The following GAPVD1 variants were observed in gnomAD, a reference collection of about 807,000 sequenced individuals.
GAPVD1 encodes the protein GTPase-activating protein and VPS9 domain-containing protein 1.
A neutral mutation model predicts 155.5 loss-of-function variants in GAPVD1; 35 were observed. The observed-to-expected ratio is 0.23, with a 90% CI of 0.17 to 0.30. GAPVD1 has a LOEUF of 0.30. Ranked by LOEUF, GAPVD1 falls within the 10% of genes least tolerant of loss-of-function variation. GAPVD1 has a pLI of 1.00. For missense variants in GAPVD1, 1,429 were observed against 1,775.7 expected, an observed-to-expected ratio of 0.80 and a Z score of 3.51; for synonymous variants, 636 against 619.7, an observed-to-expected ratio of 1.03 and a Z score of -0.39.
chr9:125,265,932 A>G (rs1458577859), intron 1 of GAPVD1, among the ~76,000 whole-genome samples: 1 of 150,156 alleles, frequency 6.7e-6, no homozygotes, highest in Non-Finnish European at 1.5e-5. Flanking sequence ...TATAAAAAAA[A>G]AAAAAAAAAG....
intron 24 of GAPVD1, among the ~76,000 whole-genome samples, chr9:125,355,340 G>A (rs1455967857): frequency 2.0e-5 from 3 of 152,152 alleles, no homozygotes; most frequent in Non-Finnish European, 2.9e-5. Flanking sequence ...TCCTGACCTC[G>A]TGATCCGCCC....
intron 21 of GAPVD1, among the ~76,000 whole-genome samples, chr9:125,349,892 C>CT (rs911788038): frequency 2.0e-5 from 3 of 151,612 alleles, no homozygotes; most frequent in Non-Finnish European, 4.4e-5. Context: ...AGGTAGTGAG[C>CT]TTATTTTGTG....
chr9:125,333,540 G>C (rs1846409236), intron 15 of GAPVD1, among the ~76,000 whole-genome samples: 1 of 145,404 alleles, frequency 6.9e-6, no homozygotes, highest in African/African-American at 2.6e-5. Context: ...CCAGGCTGGA[G>C]TGCAATGGCG....
chr9:125,353,853 C>T (rs546520084), intron 23 of GAPVD1, among the ~76,000 whole-genome samples: 1 of 152,260 alleles, frequency 6.6e-6, no homozygotes, highest in South Asian at 2.1e-4. Flanking sequence ...GGGAATACAG[C>T]CAAATCATAT....
intron 9 of GAPVD1, among the ~76,000 whole-genome samples, chr9:125,314,888 C>A (rs554407741): frequency 6.6e-6 from 1 of 150,646 alleles, no homozygotes; most frequent in South Asian, 2.1e-4. Context: ...CCCGGGTTCA[C>A]GCCATTCTCC....
At chr9:125,274,979 A>G (rs771880589) in intron 2 of GAPVD1, among the ~76,000 whole-genome samples, 10 of 152,108 alleles carry the variant, frequency 6.6e-5, no homozygotes, top group Admixed American at 1.3e-4. Flanking sequence ...GATCTTAGGC[A>G]TATTGTTCTG....
intron 2 of GAPVD1, among the ~76,000 whole-genome samples, chr9:125,293,790 A>C (rs1315061309): frequency 1.6e-5 from 2 of 126,834 alleles, no homozygotes; most frequent in African/African-American, 5.9e-5. Context: ...ATAAAATAAA[A>C]TATATAAAAA....
intron 1 of GAPVD1, among the ~76,000 whole-genome samples, 197 bp from the exon 2 acceptor site, chr9:125,268,739 G>T (rs1834401619): frequency 6.6e-6 from 1 of 151,946 alleles, no homozygotes; most frequent in South Asian, 2.1e-4. Flanking sequence ...TTGTAGAGGT[G>T]CCCACACTGG....
chr9:125,285,770 C>T lies in GAPVD1; in HGVS notation c.-149-9688C>T, dbSNP rs529511436. Among the ~76,000 whole-genome samples, 5 of 151,238 alleles carry T rather than the reference C, an allele frequency of 3.3e-5. No homozygotes were observed. The East Asian group carries it at 7.8e-4, about 24-fold the overall frequency. On this transcript the variant is annotated intron_variant, in intron 2 of 27. Transcript: ENST00000297933. ...GCCACTGCACCTGGCCCATCTGTTT[C>T]GTTTTTATAGAAAATATGGTAATGC...
chr9:125,318,839 A>C (rs1420077189), intron 9 of GAPVD1, among the ~76,000 whole-genome samples: 1 of 151,972 alleles, frequency 6.6e-6, no homozygotes. Context: ...CCTTGGGTCC[A>C]GGACTTCAAG....
chr9:125,314,870 G>C (rs1041905842), intron 9 of GAPVD1, among the ~76,000 whole-genome samples: 4 of 149,652 alleles, frequency 2.7e-5, no homozygotes, highest in Non-Finnish European at 5.9e-5. Flanking sequence ...TCACTGCGAG[G>C]TCCACCTCCC....
intron 20 of GAPVD1, among the ~76,000 whole-genome samples, chr9:125,347,600 G>A (rs1589083956): frequency 6.6e-6 from 1 of 151,966 alleles, no homozygotes; most frequent in East Asian, 1.9e-4. Context: ...GGTGGCAGAT[G>A]CCTGTAATCC....
At chr9:125,354,517 T>A in intron 23 of GAPVD1, 137 bp from the exon 24 acceptor site, 1 of 584,962 alleles carries the variant, frequency 1.7e-6, no homozygotes, top group Non-Finnish European at 3.0e-6. Context: ...TATGTGCTAC[T>A]GAAGAGAGCA....
chr9:125,262,405 C>T (rs1194659661), intron 1 of GAPVD1, among the ~76,000 whole-genome samples: 1 of 152,174 alleles, frequency 6.6e-6, no homozygotes, highest in East Asian at 1.9e-4. Context: ...GGGGGCAGCC[C>T]ACCTAACACA....
Position 125,337,310 on chromosome 9 carries a change from G to A in GAPVD1, c.2596G>A (p.Gly866Arg), listed in dbSNP as rs1238323481. 6.2e-7 allele frequency: 1 copy of A among 1,614,196 alleles called. No individual in the cohort carries two copies. The highest frequency in any genetic ancestry group is 1.7e-5 in the Admixed American group (1 of 60,022). Residue 866 changes from glycine to arginine, a missense_variant, in exon 17 of 28, where the codon GGA becomes AGA. Physicochemically the swap from Gly to Arg is moderately radical, Grantham distance 125. This residue lies in a region of GAPVD1 where 699 missense variants were observed against 826.0 expected (regional missense o/e 0.85). Coordinates refer to ENST00000297933, the MANE Select transcript of GAPVD1 (RefSeq NM_001282680.3). Reference sequence around the variant, plus strand: ...CCCAATCCTGGAAGGAGCTGTGGGAGGAAATGAGGCCAGGTTGCCAAACTT... The same window carrying A: ...CCCAATCCTGGAAGGAGCTGTGGGAAGAAATGAGGCCAGGTTGCCAAACTT... ...DPPILEGAVG[G>R]NEARLPNFGS...
intron 2 of GAPVD1, among the ~76,000 whole-genome samples, chr9:125,282,151 T>A (rs887121131): frequency 2.0e-5 from 3 of 152,102 alleles, no homozygotes; most frequent in Non-Finnish European, 4.4e-5. Flanking sequence ...TAGTGGCGTA[T>A]GCCTGTAGTC....
rs1482870573 is a variant in GAPVD1 at position 125,323,668 on chromosome 9, G to T, written c.1733-130G>T. 7.2e-6 allele frequency: 6 copies of T among 838,946 alleles called. No individual in the cohort carries two copies. The South Asian group carries it at 9.6e-5, about 13-fold the overall frequency. 52.0% of individuals were successfully genotyped at this position (838,946 alleles called of 1,614,324 possible). A position where few individuals can be genotyped will look rare whatever the true frequency, so the allele number is the denominator to read the frequency against. The stretch of plus-strand genomic sequence containing the variant: ...AAGCAGAATTTCTCAAAGGGCATGT[G>T]TTTTTTTAAGGTATAAAAAGTATTA... On this transcript the variant is annotated intron_variant, in intron 10 of 27. Transcript: ENST00000297933.
rs1851267081 is a variant in GAPVD1 at position 125,364,029 on chromosome 9, C to T, written c.*1283C>T. On this transcript the variant is annotated 3_prime_UTR_variant, in exon 28 of 28. Coordinates refer to ENST00000297933, the MANE Select transcript of GAPVD1 (RefSeq NM_001282680.3). The stretch of plus-strand genomic sequence containing the variant: ...CATGGGCCATCACTGTCTGGTTTCA[C>T]TTCGTGTGTTTCCTAAACACATTTA... 6.6e-6 allele frequency: 1 copy of T among 152,552 alleles called. No homozygotes were observed. The highest frequency in any genetic ancestry group is 1.5e-5 in the Non-Finnish European group (1 of 68,026). 9.4% of individuals were successfully genotyped at this position (152,552 alleles called of 1,614,324 possible). A position where few individuals can be genotyped will look rare whatever the true frequency, so the allele number is the denominator to read the frequency against.
At chr9:125,325,244 G>C (rs1340010165) in intron 11 of GAPVD1, among the ~76,000 whole-genome samples, 1 of 148,396 alleles carries the variant, frequency 6.7e-6, no homozygotes, top group Non-Finnish European at 1.5e-5. Flanking sequence ...AAGATGGGCC[G>C]GGTGCGGTGG....
Sources: gnomAD v4.1 joint callset for allele counts (sites outside exome capture counted in the v4.1 genomes callset) on GRCh38, gnomAD v4.1.1 for gene constraint, gnomAD v4.1.1 regional missense constraint, MANE v1.5 for transcripts, NCBI Gene and HGNC (gene_info 2026-07-23, HGNC 2026-07-21) for gene names.